The following EBF1 variants were observed in gnomAD, a reference collection of about 807,000 sequenced individuals.
EBF1 encodes EBF transcription factor 1.
In EBF1, 10 loss-of-function variants were observed where a neutral mutation model predicts 68.4. That is an observed-to-expected ratio of 0.15 (90% CI 0.09 to 0.25). EBF1 has a LOEUF of 0.25. Among genes scored for constraint, EBF1 ranks in the 10% least tolerant of loss-of-function variants. The pLI, the probability that EBF1 is intolerant of heterozygous loss-of-function variation, is 1.00. For synonymous variants in EBF1, 298 were observed against 299.8 expected (o/e 0.99, Z 0.06); for missense variants, 509 against 794.4 (o/e 0.64, Z 4.32).
At chr5:158,737,535 C>T (rs887785711) in intron 10 of EBF1, among the ~76,000 whole-genome samples, 4 of 151,906 alleles carry the variant, frequency 2.6e-5, no homozygotes, top group South Asian at 2.1e-4. Context: ...CCGCCCGCTT[C>T]GGCCTCCCAA....
chr5:159,018,971 A>G (rs1310848417), intron 6 of EBF1: 3 of 152,210 alleles, frequency 2.0e-5, no homozygotes, highest in Non-Finnish European at 2.9e-5. Flanking sequence ...TCCTCCGCAA[A>G]GACTATAAGC....
intron 6 of EBF1, among the ~76,000 whole-genome samples, chr5:158,854,199 C>T (rs1793524865): frequency 6.6e-6 from 1 of 152,212 alleles, no homozygotes; most frequent in Non-Finnish European, 1.5e-5. Flanking sequence ...GGCAGCAAGT[C>T]ATTTGTCTGC....
At chr5:159,087,107 C>G (rs1362376476) in intron 4 of EBF1, among the ~76,000 whole-genome samples, 2 of 151,774 alleles carry the variant, frequency 1.3e-5, no homozygotes, top group Non-Finnish European at 2.9e-5. Flanking sequence ...TGTATGTTCT[C>G]TAAATACTCG....
chr5:158,701,590 T>G (rs1427855477), intron 15 of EBF1, among the ~76,000 whole-genome samples: 1 of 152,130 alleles, frequency 6.6e-6, no homozygotes, highest in African/African-American at 2.4e-5. Flanking sequence ...GGTGCGTAAG[T>G]GAGGATGGAG....
Position 158,712,986 on chromosome 5 carries a change from T to C in EBF1, c.1353A>G (p.Ser451=), listed in dbSNP as rs1423079766. The change falls in exon 13 of 16, where the codon TCA becomes TCG. Residue 451 remains serine, a synonymous_variant. Coordinates refer to ENST00000313708, the MANE Select transcript of EBF1 (RefSeq NM_024007.5). ...GQLAVNVSEA[S]QATNQGFTRN... The stretch of plus-strand genomic sequence containing the variant: ...GCTTCTGACCCTGATTGGTGGCTTG[T>C]GATGCCTCGGAGACATTCACGGCCA... 1 of 1,495,302 alleles carries C rather than the reference T, an allele frequency of 6.7e-7. No individual in the cohort carries two copies. Among genetic ancestry groups the C allele is most frequent in the East Asian group, 2.5e-5 (1 of 40,766 alleles). 92.6% of individuals were successfully genotyped at this position (1,495,302 alleles called of 1,614,324 possible).
intron 6 of EBF1, among the ~76,000 whole-genome samples, chr5:158,951,383 T>C (rs1180874642): frequency 6.6e-6 from 1 of 152,196 alleles, no homozygotes; most frequent in Non-Finnish European, 1.5e-5. Context: ...ATGCCCCTCC[T>C]TCTCTACTCC....
chr5:158,727,159 G>A (rs909141387), intron 11 of EBF1, among the ~76,000 whole-genome samples: 2 of 152,120 alleles, frequency 1.3e-5, no homozygotes, highest in South Asian at 2.1e-4. Context: ...TATGATCTTC[G>A]AAAACCTTAA....
At chr5:159,035,062 T>G (rs1769753211) in intron 6 of EBF1, among the ~76,000 whole-genome samples, 2 of 152,084 alleles carry the variant, frequency 1.3e-5, no homozygotes, top group African/African-American at 4.8e-5. Context: ...TTTTCTCTAT[T>G]TTTGTGGCCT....
At chr5:158,965,876 A>T (rs778610060) in intron 6 of EBF1, among the ~76,000 whole-genome samples, 12 of 152,238 alleles carry the variant, frequency 7.9e-5, no homozygotes, top group Non-Finnish European at 1.5e-4. Flanking sequence ...CACTCTTTTA[A>T]TGAGCAGATT....
chr5:158,709,854 C>T (rs1345240742), intron 14 of EBF1, among the ~76,000 whole-genome samples: 1 of 152,144 alleles, frequency 6.6e-6, no homozygotes, highest in African/African-American at 2.4e-5. Context: ...TATTCGTAGA[C>T]TTGAAATCCT....
At chr5:159,071,119 C>T (rs2127935883) in intron 6 of EBF1, among the ~76,000 whole-genome samples, 1 of 152,282 alleles carries the variant, frequency 6.6e-6, no homozygotes, top group Admixed American at 6.5e-5. Context: ...AAACCTTTGG[C>T]AGCCTGAAGG....
intron 6 of EBF1, among the ~76,000 whole-genome samples, chr5:159,024,223 G>C (rs112988909): frequency 6.6e-6 from 1 of 151,978 alleles, no homozygotes; most frequent in Non-Finnish European, 1.5e-5. Context: ...GTCACTTTTC[G>C]TAGACTACTA....
intron 8 of EBF1, among the ~76,000 whole-genome samples, chr5:158,822,267 CGGATGGATGGATGGATGGAT>C (rs958054113): frequency 3.5e-5 from 2 of 56,996 alleles, no homozygotes; most frequent in African/African-American, 5.2e-5. Flanking sequence ...GACGGATGGA[CGGATGGATGGATGGATGGAT>C]GGATGGATGG....
At chr5:158,839,976 T>G in intron 7 of EBF1, 53 bp downstream of exon 7, 2 of 1,556,334 alleles carry the variant, frequency 1.3e-6, no homozygotes, top group South Asian at 2.2e-5. Flanking sequence ...TTTTTTATCC[T>G]CTCCTGATAT....
In EBF1 at chr5:158,790,234, G is replaced by C. The variant is rs146057416; in HGVS notation, c.909+6111C>G. Among the ~76,000 whole-genome samples, 892 of 152,310 alleles carry C rather than the reference G, an allele frequency of 5.9e-3. 12 individuals are homozygous for C. Among genetic ancestry groups the C allele is most frequent in the African/African-American group, 0.02 (822 of 41,554 alleles). On this transcript the variant is annotated intron_variant, in intron 9 of 15. Coordinates refer to ENST00000313708, the MANE Select transcript of EBF1 (RefSeq NM_024007.5). ...TATAGCTGCCCTACAAAATCATATA[G>C]CATCTAATGCCAAGTGTGTACTGAC... is the stretch of plus-strand genomic sequence containing the variant.
intron 6 of EBF1, among the ~76,000 whole-genome samples, chr5:158,997,613 C>A (rs1208676220): frequency 6.6e-6 from 1 of 152,140 alleles, no homozygotes; most frequent in African/African-American, 2.4e-5. Context: ...TTGTTGAATC[C>A]ATTCCTGATT....
chr5:159,007,361 C>T (rs764372946), intron 6 of EBF1, among the ~76,000 whole-genome samples: 2 of 152,178 alleles, frequency 1.3e-5, no homozygotes, highest in African/African-American at 4.8e-5. Flanking sequence ...TTATCCAATA[C>T]ACTTTTAAGC....
intron 15 of EBF1, among the ~76,000 whole-genome samples, chr5:158,706,097 G>C (rs1757796876): frequency 6.6e-6 from 1 of 152,162 alleles, no homozygotes; most frequent in Admixed American, 6.5e-5. Context: ...AGCTGAAAGA[G>C]AATGAGATTT....
intron 6 of EBF1, among the ~76,000 whole-genome samples, chr5:158,844,967 C>T (rs995995779): frequency 4.6e-5 from 7 of 152,228 alleles, no homozygotes; most frequent in East Asian, 1.9e-4. Context: ...GTGACCAGCA[C>T]GGTACTCAAG....
Sources: gnomAD v4.1 joint callset for allele counts (sites outside exome capture counted in the v4.1 genomes callset) on GRCh38, gnomAD v4.1.1 for gene constraint, MANE v1.5 for transcripts, NCBI Gene and HGNC (gene_info 2026-07-23, HGNC 2026-07-21) for gene names.